FRYL: variants seen among roughly 807,000 people sequenced by gnomAD.
FRYL encodes protein furry homolog-like.
In FRYL, 150 loss-of-function variants were observed where a neutral mutation model predicts 351.2. The observed-to-expected ratio is 0.43, with a 90% CI of 0.37 to 0.49. FRYL has a LOEUF of 0.49. Among genes scored for constraint, FRYL ranks in the 20% least tolerant of loss-of-function variants. The pLI is 0.00. For synonymous variants in FRYL, 1,153 were observed against 1,257.1 expected, an observed-to-expected ratio of 0.92 and a Z score of 1.75; for missense variants, 3,036 against 3,619.3, an observed-to-expected ratio of 0.84 and a Z score of 4.13.
rs546342421 is a variant in FRYL, at chr4:48,510,887, T to G, written c.8243A>C (p.Glu2748Ala). The G allele has an allele frequency of 1.2e-5, 19 of 1,613,300 alleles. No individual in the cohort carries two copies. The highest frequency in any genetic ancestry group is 1.4e-5 in the Non-Finnish European group (16 of 1,179,464). Residue 2748 changes from glutamate to alanine, a missense_variant, in exon 58 of 64, where the codon GAA becomes GCA. Glu to Ala is a moderately radical substitution (Grantham distance 107). Coordinates refer to ENST00000358350, the MANE Select transcript of FRYL (RefSeq NM_015030.2). ...RIGTKFKSSL[E>A]VMMLCSECPT... ...GCATTCTGAACACAGCATCATCACT[T>G]CCAAGGAACTTTTAAATTTGGTACC...
At position 48,509,964 on chromosome 4, in the gene FRYL, A is replaced by T; in HGVS notation, c.8394+95T>A. ...GGAAAACCCTGAGGCAGGTGCTGAG[A>T]GGTCTTCTTTTCTGTCTGGGCTATT... On this transcript the variant is annotated intron_variant, in intron 59 of 63. Transcript: ENST00000358350. The T allele has an allele frequency of 4.0e-6, 3 of 744,960 alleles. No individual in the cohort carries two copies. The African/African-American group carries it at 5.3e-5, about 13-fold the overall frequency. 46.1% of individuals were successfully genotyped at this position (744,960 alleles called of 1,614,324 possible).
In FRYL at chr4:48,719,739, T is replaced by C. The variant is rs375462346; in HGVS notation, c.-383-9041A>G. Among the ~76,000 whole-genome samples the C allele has an allele frequency of 2.2e-4, 33 of 151,806 alleles. 1 individual carries two copies. The South Asian group carries it at 2.9e-3, about 13-fold the overall frequency. On this transcript the variant is annotated intron_variant, in intron 1 of 63. Transcript: ENST00000358350. ...TTTGTGGGACTCTCACATAGATTCA[T>C]GATGCAAGAACAACCACCCTCTATT...
chr4:48,528,233 G>C lies in FRYL; in HGVS notation c.7007C>G (p.Ser2336Cys). 6.2e-7 allele frequency: 1 copy of C among 1,613,220 alleles called. No individual in the cohort carries two copies. Among genetic ancestry groups the C allele is most frequent in the Non-Finnish European group, 8.5e-7 (1 of 1,179,352 alleles). ...AACCAAGGCATTAGAATTAGAACCA[G>C]AAGAAGTTGAGGAAGTACTTCTAGT... ...AVTRSTSSTS[S>C]GSNSNALVPV... Residue 2336 changes from serine to cysteine, a missense_variant, in exon 51 of 64, where the codon TCT (serine) becomes TGT (cysteine). Physicochemically the swap from Ser to Cys is moderately radical, Grantham distance 112. Coordinates refer to ENST00000358350, the MANE Select transcript of FRYL (RefSeq NM_015030.2).
At chr4:48,678,224 G>C (rs1477497892) in intron 3 of FRYL, among the ~76,000 whole-genome samples, 1 of 151,996 alleles carries the variant, frequency 6.6e-6, no homozygotes, top group Admixed American at 6.6e-5. Flanking sequence ...AAAATGATTG[G>C]CATAGCATTT....
chr4:48,640,270 A>ACAC (rs1296736638), intron 3 of FRYL, among the ~76,000 whole-genome samples: 1 of 152,186 alleles, frequency 6.6e-6, no homozygotes, highest in Non-Finnish European at 1.5e-5. Flanking sequence ...GTCATTCAGT[A>ACAC]GGTGAATGGA....
intron 2 of FRYL, among the ~76,000 whole-genome samples, chr4:48,699,717 C>T (rs1359874045): frequency 4.6e-5 from 7 of 151,732 alleles, no homozygotes; most frequent in Admixed American, 2.0e-4. Flanking sequence ...CCACATAAAT[C>T]GCCCTTCTTC....
chr4:48,525,058 C>G (rs1246045087), intron 53 of FRYL, among the ~76,000 whole-genome samples: 1 of 137,408 alleles, frequency 7.3e-6, no homozygotes, highest in Non-Finnish European at 1.5e-5. Context: ...GTAACCTACA[C>G]TTTTTGAAAA....
At chr4:48,671,878 A>AAC (rs1560832623) in intron 3 of FRYL, among the ~76,000 whole-genome samples, 3 of 147,130 alleles carry the variant, frequency 2.0e-5, no homozygotes, top group Admixed American at 6.7e-5. Flanking sequence ...AAAAACAAAA[A>AAC]AAAAAAAAAA....
At chr4:48,561,265 T>C (rs1328935517) in intron 33 of FRYL, among the ~76,000 whole-genome samples, 3 of 152,174 alleles carry the variant, frequency 2.0e-5, no homozygotes, top group East Asian at 3.8e-4. Flanking sequence ...TATAAAACCC[T>C]ATAAGGACGC....
intron 4 of FRYL, among the ~76,000 whole-genome samples, chr4:48,630,464 A>G (rs1752730400): frequency 6.6e-6 from 1 of 152,194 alleles, no homozygotes; most frequent in Non-Finnish European, 1.5e-5. Flanking sequence ...AGAAGAAGAT[A>G]GGTAAATGGA....
At chr4:48,773,177 A>G (rs965671066) in intron 1 of FRYL, among the ~76,000 whole-genome samples, 1 of 152,186 alleles carries the variant, frequency 6.6e-6, no homozygotes, top group African/African-American at 2.4e-5. Flanking sequence ...TACTTATCAC[A>G]CTACTTAGCA....
intron 61 of FRYL, among the ~76,000 whole-genome samples, chr4:48,502,460 G>A (rs1361830686): frequency 4.0e-5 from 6 of 151,190 alleles, no homozygotes; most frequent in Middle Eastern, 6.8e-3. Context: ...CAGGAGAATC[G>A]CTTGAACCTG....
chr4:48,638,275 C>T (rs1055810371), intron 3 of FRYL: 2 of 151,936 alleles, frequency 1.3e-5, no homozygotes, highest in Non-Finnish European at 2.9e-5. Context: ...CTTAGTATTA[C>T]AATAATTATT....
intron 2 of FRYL, among the ~76,000 whole-genome samples, chr4:48,698,911 C>A (rs1766458188): frequency 1.3e-5 from 2 of 151,582 alleles, no homozygotes; most frequent in Admixed American, 6.6e-5. Flanking sequence ...TGCACTCTAA[C>A]AAATGGTGCC....
At chr4:48,523,220 G>T (rs1725277030) in intron 53 of FRYL, 116 bp from the exon 54 acceptor site, 7 of 654,280 alleles carry the variant, frequency 1.1e-5, no homozygotes, top group African/African-American at 3.6e-5. Flanking sequence ...ATCATTAAAA[G>T]CAGAGTTTCA....
At chr4:48,682,147 G>GAAACACAATAC (rs1764695690) in intron 3 of FRYL, among the ~76,000 whole-genome samples, 2 of 152,154 alleles carry the variant, frequency 1.3e-5, no homozygotes, top group Admixed American at 1.3e-4. Flanking sequence ...TTCACTTAGT[G>GAAACACAATAC]AAACACAATA....
chr4:48,672,350 C>A (rs535377081), intron 3 of FRYL, among the ~76,000 whole-genome samples: 2 of 152,286 alleles, frequency 1.3e-5, no homozygotes, highest in South Asian at 4.1e-4. Flanking sequence ...AATATTCCTC[C>A]TTTGTCATGA....
intron 4 of FRYL, among the ~76,000 whole-genome samples, chr4:48,632,094 A>ATATATATATATG (rs1753210504): frequency 7.2e-5 from 1 of 13,858 alleles, no homozygotes; most frequent in Non-Finnish European, 1.8e-4. Flanking sequence ...AAAAAAAAAT[A>ATATATATATATG]TATATATATA....
intron 3 of FRYL, among the ~76,000 whole-genome samples, chr4:48,659,277 G>A (rs1044662821): frequency 7.6e-4 from 115 of 151,382 alleles, no homozygotes; most frequent in Middle Eastern, 6.3e-3. Context: ...CTGGAACCCC[G>A]GAGGCGGAGG....
Sources: gnomAD v4.1 joint callset for allele counts (sites outside exome capture counted in the v4.1 genomes callset) on GRCh38, gnomAD v4.1.1 for gene constraint, MANE v1.5 for transcripts, NCBI Gene and HGNC (gene_info 2026-07-23, HGNC 2026-07-21) for gene names.